The following ITGA9 variants were observed in gnomAD, a reference collection of about 807,000 sequenced individuals.
ITGA9 encodes the protein integrin subunit alpha 9.
ITGA9 carries 56 observed loss-of-function variants against 127.8 expected under a neutral mutation model. The ratio of observed to expected loss-of-function variants is 0.44; its 90% CI spans 0.35 to 0.55. ITGA9 has a LOEUF of 0.55. Among genes scored for constraint, ITGA9 ranks in the 20% least tolerant of loss-of-function variants. The pLI is 0.00. For missense variants in ITGA9, 1,196 were observed against 1,347.1 expected (o/e 0.89, Z 1.76); for synonymous variants, 508 against 514.5 (o/e 0.99, Z 0.17).
At chr3:37,816,515 G>A (rs941270398) in intron 27 of ITGA9, among the ~76,000 whole-genome samples, 22 of 152,090 alleles carry the variant, frequency 1.4e-4, no homozygotes, top group African/African-American at 3.9e-4. Context: ...CATCTTTATC[G>A]CAAAAGAATG....
At chr3:37,502,307 C>T (rs770815442) in intron 5 of ITGA9, among the ~76,000 whole-genome samples, 2 of 151,212 alleles carry the variant, frequency 1.3e-5, no homozygotes, top group Non-Finnish European at 2.9e-5. Flanking sequence ...CTCTGCGTCC[C>T]GGGTTCAAGC....
intron 15 of ITGA9, among the ~76,000 whole-genome samples, chr3:37,600,726 C>G (rs1293002734): frequency 6.6e-6 from 1 of 152,176 alleles, no homozygotes; most frequent in Non-Finnish European, 1.5e-5. Context: ...TCTCATCTCC[C>G]CACTGGAGCT....
intron 1 of ITGA9, among the ~76,000 whole-genome samples, chr3:37,464,150 T>A (rs1392593726): frequency 6.8e-6 from 1 of 146,724 alleles, no homozygotes; most frequent in African/African-American, 2.6e-5. Flanking sequence ...TGTGTGTGTG[T>A]GTAAGGTTGT....
intron 17 of ITGA9, among the ~76,000 whole-genome samples, chr3:37,679,570 T>C (rs551557938): frequency 2.0e-5 from 3 of 152,142 alleles, no homozygotes; most frequent in South Asian, 2.1e-4. Context: ...ATCTGTAAAA[T>C]GTGAAGGGGG....
chr3:37,580,081 TGATTCCA>T (rs1301112305), intron 15 of ITGA9, among the ~76,000 whole-genome samples: 1 of 152,234 alleles, frequency 6.6e-6, no homozygotes, highest in East Asian at 1.9e-4. Context: ...AAGTACTACC[TGATTCCA>T]GATATTAGGA....
At chr3:37,768,087 G>A (rs1334745207) in intron 23 of ITGA9, among the ~76,000 whole-genome samples, 2 of 152,134 alleles carry the variant, frequency 1.3e-5, no homozygotes, top group Non-Finnish European at 2.9e-5. Context: ...ATGGTGATAC[G>A]TGAAAGTATT....
At chr3:37,721,856 AC>A (rs1466153369) in intron 18 of ITGA9, among the ~76,000 whole-genome samples, 1 of 152,066 alleles carries the variant, frequency 6.6e-6, no homozygotes, top group Non-Finnish European at 1.5e-5. Flanking sequence ...TGAGGAAGAA[AC>A]CTTTTCTGCT....
chr3:37,504,124 C>T (rs1312296833), intron 6 of ITGA9, among the ~76,000 whole-genome samples: 2 of 152,126 alleles, frequency 1.3e-5, no homozygotes, highest in African/African-American at 4.8e-5. Flanking sequence ...CGTTGACTTG[C>T]CTTTTCCCTT....
intron 1 of ITGA9, among the ~76,000 whole-genome samples, chr3:37,466,238 T>A (rs957084333): frequency 6.6e-6 from 1 of 151,946 alleles, no homozygotes; most frequent in African/African-American, 2.4e-5. Flanking sequence ...ATCCCAACAC[T>A]TTGGGAGGCT....
intron 16 of ITGA9, among the ~76,000 whole-genome samples, chr3:37,644,452 T>A (rs1700359156): frequency 6.6e-6 from 1 of 152,060 alleles, no homozygotes; most frequent in South Asian, 2.1e-4. Context: ...TGGAGCTGGG[T>A]GGATGATGGG....
At chr3:37,477,239 A>C (rs1253636724) in intron 3 of ITGA9, among the ~76,000 whole-genome samples, 2 of 152,242 alleles carry the variant, frequency 1.3e-5, no homozygotes, top group Non-Finnish European at 2.9e-5. Flanking sequence ...TGTAGGCAAG[A>C]GACCAGTATC....
intron 16 of ITGA9, among the ~76,000 whole-genome samples, chr3:37,646,858 T>A (rs1327768418): frequency 6.6e-6 from 1 of 152,078 alleles, no homozygotes; most frequent in African/African-American, 2.4e-5. Context: ...ATCAGGAGTT[T>A]GGGCCATTGG....
At chr3:37,470,146 T>TTG (rs908660770) in intron 1 of ITGA9, among the ~76,000 whole-genome samples, 2 of 150,682 alleles carry the variant, frequency 1.3e-5, no homozygotes, top group African/African-American at 4.9e-5. Context: ...TCTTGTTTTT[T>TTG]TTTTTTTTTT....
chr3:37,566,578 G>A (rs1416997098), intron 15 of ITGA9, among the ~76,000 whole-genome samples: 1 of 152,174 alleles, frequency 6.6e-6, no homozygotes, highest in African/African-American at 2.4e-5. Flanking sequence ...ACTACCATTA[G>A]CCCCACTTTG....
chr3:37,773,590 C>CT (rs11438112), intron 23 of ITGA9, among the ~76,000 whole-genome samples: 39,235 of 148,474 alleles, frequency 0.26, 5,248 homozygotes, highest in Middle Eastern at 0.38. Context: ...ATTTAACTCT[C>CT]TTTTTTTTTT....
At chr3:37,680,046 G>A (rs768773112) in intron 17 of ITGA9, among the ~76,000 whole-genome samples, 25 of 152,202 alleles carry the variant, frequency 1.6e-4, no homozygotes, top group Admixed American at 1.0e-3. Flanking sequence ...GGACATGATA[G>A]TCAGGGGGCT....
chr3:37,499,945 C>G (rs779763717), intron 5 of ITGA9, among the ~76,000 whole-genome samples: 3 of 152,290 alleles, frequency 2.0e-5, no homozygotes, highest in South Asian at 2.1e-4. Flanking sequence ...ATCCCTGCCC[C>G]CAATGTTCCG....
intron 23 of ITGA9, among the ~76,000 whole-genome samples, chr3:37,767,834 A>C (rs943040528): frequency 4.6e-5 from 7 of 152,156 alleles, no homozygotes; most frequent in Admixed American, 6.6e-5. Flanking sequence ...CTTCAGAAGG[A>C]TCTCCCAAAG....
At chr3:37,656,105 A>G (rs890045692) in intron 17 of ITGA9, among the ~76,000 whole-genome samples, 3 of 152,116 alleles carry the variant, frequency 2.0e-5, no homozygotes, top group South Asian at 2.1e-4. Flanking sequence ...GCCTTGTAGT[A>G]TAGTTTGAAG....
Sources: gnomAD v4.1 joint callset for allele counts (sites outside exome capture counted in the v4.1 genomes callset) on GRCh38, gnomAD v4.1.1 for gene constraint, MANE v1.5 for transcripts, NCBI Gene and HGNC (gene_info 2026-07-23, HGNC 2026-07-21) for gene names.